L1CAM: variants seen among roughly 807,000 people sequenced by gnomAD.
L1CAM encodes neural cell adhesion molecule L1.
A neutral mutation model predicts 93.0 loss-of-function variants in L1CAM; 8 were observed. The observed-to-expected ratio is 0.09, with a 90% CI of 0.05 to 0.16. The LOEUF (loss-of-function observed/expected upper bound fraction) is 0.16, where lower values mean the gene tolerates loss of function less well. Among genes scored for constraint, L1CAM ranks in the 10% least tolerant of loss-of-function variants. The pLI is 1.00. For missense variants in L1CAM, 777 were observed against 1,073.4 expected (o/e 0.72, Z 3.86); for synonymous variants, 453 against 453.0 (o/e 1.00, Z 0.00).
At chrX:153,873,695 A>G (rs1474992547) in intron 2 of L1CAM, among the ~76,000 whole-genome samples, 1 of 112,466 alleles carries the variant, frequency 8.9e-6, no homozygotes, top group Non-Finnish European at 1.9e-5. Context: ...CAATTAGCAC[A>G]GCTGAGTGTT....
At chrX:153,871,472 G>T (rs1020661132) in intron 5 of L1CAM, among the ~76,000 whole-genome samples, 14 of 110,122 alleles carry the variant, frequency 1.3e-4, no homozygotes, top group African/African-American at 2.3e-4. Context: ...AGGACGGGTG[G>T]GGGGAGGCTG....
rs1557089836 is a variant in L1CAM at position 153,863,970 on chromosome X, T to C, written c.3370A>G (p.Ile1124Val). 5 of 1,212,253 alleles carry C rather than the reference T, an allele frequency of 4.1e-6. No individual in the cohort carries two copies. Among genetic ancestry groups the C allele is most frequent in the Non-Finnish European group, 5.6e-6 (5 of 895,546 alleles). The change falls in exon 26 of 29, where the codon ATC becomes GTC. Residue 1124 changes from isoleucine to valine, a missense_variant. Physicochemically the swap from Ile to Val is conservative, Grantham distance 29. Transcript: ENST00000370060. The stretch of plus-strand genomic sequence containing the variant: ...AGGATGATGGCACTCACAAAGCCGA[T>C]GAACCAGCCCTCAGTGGCGAAGCCA... ...PAGFATEGWF[I>V]GFVSAIILLL...
Position 153,864,795 on chromosome X carries a change from G to C in L1CAM, c.3046+26C>G, listed in dbSNP as rs1281668949. 2.5e-6 allele frequency: 3 copies of C among 1,210,674 alleles called. No individual in the cohort carries two copies. The African/African-American group carries it at 5.2e-5, about 21-fold the overall frequency. The stretch of plus-strand genomic sequence containing the variant: ...GGACCCGGCTGGCCGGGGCCTCCCT[G>C]TTGGCAGGTCATTCCTCCAGCTTAC... On this transcript the variant is annotated intron_variant, in intron 23 of 28. Coordinates refer to ENST00000370060, the MANE Select transcript of L1CAM (RefSeq NM_001278116.2).
intron 1 of L1CAM, among the ~76,000 whole-genome samples, chrX:153,882,717 G>A (rs990261482): frequency 3.6e-5 from 4 of 110,890 alleles, no homozygotes; most frequent in South Asian, 3.8e-4. Context: ...AGCCCAGGAC[G>A]CTGCCACCCT....
At chrX:153,865,616 G>C (rs2064705962) in intron 20 of L1CAM, 88 bp downstream of exon 20, 1 of 1,013,411 alleles carries the variant, frequency 9.9e-7, no homozygotes, top group Non-Finnish European at 1.4e-6. Context: ...TTCCAGGAGA[G>C]CGGCTGGCAG....
chrX:153,864,308 C>T lies in L1CAM; in HGVS notation c.3322+14G>A, dbSNP rs1557089978. ...GCTTCCCTGGCAGGTGATGGCGGGC[C>T]CCCGGCGCCTCACCTGTGCCATTGG... is the stretch of plus-strand genomic sequence containing the variant. On this transcript the variant is annotated intron_variant, in intron 25 of 28. Coordinates refer to ENST00000370060, the MANE Select transcript of L1CAM (RefSeq NM_001278116.2). 5.0e-6 allele frequency: 6 copies of T among 1,209,220 alleles called. No individual in the cohort carries two copies. The highest frequency in any genetic ancestry group is 5.6e-6 in the Non-Finnish European group (5 of 894,145).
chrX:153,869,963 C>G (rs200613011), intron 9 of L1CAM, 29 bp from the exon 10 acceptor site: 1 of 1,208,033 alleles, frequency 8.3e-7, no homozygotes, highest in African/African-American at 1.7e-5. Context: ...CCGCCCTGAG[C>G]CCGCAGCCAG....
At position 153,867,360 on chromosome X, in the gene L1CAM, C is replaced by T; in HGVS notation, c.2133G>A (p.Glu711=). The T allele has an allele frequency of 8.3e-7, 1 of 1,207,571 alleles. No homozygotes were observed. ...SPVSETVVTP[E]AAPEKNPVDV... ...GTGGGTGCCACCCTGACTCACCTGC[C>T]TCAGGTGTGACCACAGTCTCAGAGA... Residue 711 remains glutamate (E), a synonymous_variant, in exon 17 of 29, where the codon GAG becomes GAA. Coordinates refer to ENST00000370060, the MANE Select transcript of L1CAM (RefSeq NM_001278116.2).
At chrX:153,875,395 C>T (rs1274682021) in intron 2 of L1CAM, among the ~76,000 whole-genome samples, 1 of 112,071 alleles carries the variant, frequency 8.9e-6, no homozygotes, top group Non-Finnish European at 1.9e-5. Context: ...GCTGCCACAC[C>T]CCTGTGGTGG....
chrX:153,867,363 A>G lies in L1CAM; in HGVS notation c.2130T>C (p.Pro710=). 2 of 1,208,482 alleles carry G rather than the reference A, an allele frequency of 1.7e-6. No homozygotes were observed. The highest frequency in any genetic ancestry group is 2.2e-6 in the Non-Finnish European group (2 of 893,517). Residue 710 remains proline, a synonymous_variant, in exon 17 of 29, where the codon CCT becomes CCC. Coordinates refer to ENST00000370060, the MANE Select transcript of L1CAM (RefSeq NM_001278116.2). ...GGTGCCACCCTGACTCACCTGCCTC[A>G]GGTGTGACCACAGTCTCAGAGACCG... ...PSPVSETVVT[P]EAAPEKNPVD... is the part of the protein sequence containing the mutation.
rs137852522 is a variant in L1CAM at position 153,862,856 on chromosome X, G to A, written c.3581C>T (p.Ser1194Leu). ...CAGGGGCTTGATGTCCCCGTTGAGC[G>A]ATGGCTGGCTGCTGCCAAAGGCCTT... ...EEKAFGSSQP[S>L]LNGDIKPLGS... Residue 1194 changes from serine (S) to leucine (L), a missense_variant, in exon 29 of 29, where the codon TCG (serine) becomes TTG (leucine). Coordinates refer to ENST00000370060, the MANE Select transcript of L1CAM (RefSeq NM_001278116.2). The A allele has an allele frequency of 8.2e-7, 1 of 1,212,135 alleles. No homozygotes were observed. The highest frequency in any genetic ancestry group is 1.1e-6 in the Non-Finnish European group (1 of 895,442).
At chrX:153,871,252 C>CTGGGGGGGGGGGGGG in intron 5 of L1CAM, 73 bp from the exon 6 acceptor site, 1 of 497,913 alleles carries the variant, frequency 2.0e-6, no homozygotes, top group Non-Finnish European at 3.3e-6. Flanking sequence ...GAGGTGGGGG[C>CTGGGGGGGGGGGGGG]AGGGGGGTGG....
At chrX:153,876,388 A>C (rs1557094593) in intron 1 of L1CAM, 1 of 173,802 alleles carries the variant, frequency 5.8e-6, no homozygotes, top group African/African-American at 3.0e-5. Flanking sequence ...GAGGGGTTGC[A>C]CTCATGAGTG....
intron 5 of L1CAM, 121 bp downstream of exon 5, chrX:153,872,031 G>T (rs2064775125): frequency 1.8e-6 from 1 of 561,228 alleles, no homozygotes; most frequent in Non-Finnish European, 3.0e-6. Flanking sequence ...GGGGTGGGGT[G>T]GAGGGCTGGC....
chrX:153,879,443 G>A (rs1359469876), intron 1 of L1CAM, among the ~76,000 whole-genome samples: 2 of 108,121 alleles, frequency 1.8e-5, no homozygotes, highest in East Asian at 3.0e-4. Context: ...GTGCACGTGC[G>A]CGTGCGCGCA....
Position 153,866,704 on chromosome X carries a change from G to A in L1CAM, c.2376C>T (p.Asn792=). 8.3e-7 allele frequency: 1 copy of A among 1,211,665 alleles called. No homozygotes were observed. Among genetic ancestry groups the A allele is most frequent in the Non-Finnish European group, 1.1e-6 (1 of 895,397 alleles). The change falls in exon 19 of 29, where the codon AAC becomes AAT. Residue 792 remains asparagine (N), a synonymous_variant. Transcript: ENST00000370060. ...GGGGCTCTGGTCCCTTGCCCTGGCTGTTGACGGCCTGGACTTTGATCTCAT... is the reference window on the plus strand; with the variant it reads ...GGGGCTCTGGTCCCTTGCCCTGGCTATTGACGGCCTGGACTTTGATCTCAT... ...VPYEIKVQAV[N]SQGKGPEPQV...
intron 1 of L1CAM, among the ~76,000 whole-genome samples, chrX:153,882,388 C>T (rs948901967): frequency 9.0e-6 from 1 of 110,862 alleles, no homozygotes; most frequent in Non-Finnish European, 1.9e-5. Context: ...CTTCCCAGCA[C>T]AGGCCCTGTT....
chrX:153,864,013 G>A lies in L1CAM; in HGVS notation c.3327C>T (p.Arg1109=), dbSNP rs150419364. 88 of 1,210,820 alleles carry A rather than the reference G, an allele frequency of 7.3e-5. 1 individual carries two copies. In the Middle Eastern group the frequency reaches 1.4e-3, roughly 19 times the overall value. The change falls in exon 26 of 29, where the codon CGC becomes CGT. Residue 1109 remains arginine, a synonymous_variant. Coordinates refer to ENST00000370060, the MANE Select transcript of L1CAM (RefSeq NM_001278116.2). ...CGAAGCCAGCAGGAGGGAGCCTCAC[G>A]CGGCCTGAGGGTGAGACACCAGCCC... The part of the protein sequence containing the change: ...QMAVKTNGTG[R]VRLPPAGFAT...
At chrX:153,864,199 G>T in intron 25 of L1CAM, 123 bp downstream of exon 25, 1 of 1,010,706 alleles carries the variant, frequency 9.9e-7, no homozygotes, top group Non-Finnish European at 1.4e-6. Context: ...ATTCTGGGAG[G>T]AGAAGCAGAC....
Sources: gnomAD v4.1 joint callset for allele counts (sites outside exome capture counted in the v4.1 genomes callset) on GRCh38, gnomAD v4.1.1 for gene constraint, MANE v1.5 for transcripts, NCBI Gene and HGNC (gene_info 2026-07-23, HGNC 2026-07-21) for gene names.